FBXO22: variants seen among roughly 807,000 people sequenced by gnomAD.
FBXO22 encodes the protein F-box only protein 22.
In FBXO22, 13 loss-of-function variants were observed where a neutral mutation model predicts 37.2. The observed-to-expected ratio is 0.35, with a 90% CI of 0.23 to 0.56. FBXO22 has a LOEUF of 0.56. Among genes scored for constraint, FBXO22 ranks in the 20% least tolerant of loss-of-function variants. FBXO22 has a pLI of 0.87. For synonymous variants in FBXO22, 189 were observed against 189.1 expected (o/e 1.00, Z 0.00); for missense variants, 446 against 509.9 (o/e 0.87, Z 1.21).
rs943707377 is a variant in FBXO22 at position 75,940,080 on chromosome 15, A to G, written c.*6978A>G. 6.6e-6 allele frequency: 1 copy of G among 151,032 alleles called. No individual in the cohort carries two copies. Among genetic ancestry groups the G allele is most frequent in the African/African-American group, 2.4e-5 (1 of 41,104 alleles). 9.4% of individuals were successfully genotyped at this position (151,032 alleles called of 1,614,324 possible). On this transcript the variant is annotated 3_prime_UTR_variant, in exon 7 of 7. Transcript: ENST00000308275. Reference sequence around the variant, plus strand: ...AAAATCCTATATGTTCACAAATGATATGATCTTTAGACAACCCGAAAGATT... The same window carrying G: ...AAAATCCTATATGTTCACAAATGATGTGATCTTTAGACAACCCGAAAGATT...
rs770981757 is a variant in FBXO22 at position 75,930,027 on chromosome 15, C to T, written c.772C>T (p.Leu258=). ...IILAGGQVDN[L]SSLTSEKNPL... is the part of the protein sequence containing the mutation. ...CTTGGCTGGAGGCCAGGTGGACAACCTGTCATCACTGACTTCTGAAAAGTA... is the reference window on the plus strand; with the variant it reads ...CTTGGCTGGAGGCCAGGTGGACAACTTGTCATCACTGACTTCTGAAAAGTA... Residue 258 remains leucine, a synonymous_variant, in exon 6 of 7, where the codon CTG becomes TTG. Transcript: ENST00000308275. 24 of 1,613,982 alleles carry T rather than the reference C, an allele frequency of 1.5e-5. No homozygotes were observed. Among genetic ancestry groups the T allele is most frequent in the Admixed American group, 1.2e-4 (7 of 60,006 alleles).
chr15:75,932,224 T>C lies in FBXO22; in HGVS notation c.795-461T>C, dbSNP rs537578449. 5.9e-5 allele frequency among the ~76,000 whole-genome samples: 9 copies of C among 152,252 alleles called. No homozygotes were observed. The South Asian group carries it at 1.9e-3, about 32-fold the overall frequency. ...GAACCCTATCTCTAAAAAAATAAAA[T>C]CACCCTCCATTATTATATTTTTAAT... On this transcript the variant is annotated intron_variant, in intron 6 of 6. Transcript: ENST00000308275.
intron 5 of FBXO22, among the ~76,000 whole-genome samples, chr15:75,923,651 T>A (rs1900377317): frequency 6.6e-6 from 1 of 152,168 alleles, no homozygotes; most frequent in Admixed American, 6.5e-5. Context: ...CATTTTGGAG[T>A]ACAAGAGTGG....
rs150887253 is a variant in FBXO22 at position 75,932,823 on chromosome 15, G to A, written c.933G>A (p.Ala311=). The change falls in exon 7 of 7, where the codon GCG becomes GCA. Residue 311 remains alanine, a synonymous_variant. Transcript: ENST00000308275. ...AGGCTGCGATGCAGCGCCTCAAAGC[G>A]GCCAACATTCCAGAGCATAACACCA... ...TAEAAMQRLK[A]ANIPEHNTIG... 7.4e-6 allele frequency: 12 copies of A among 1,614,226 alleles called. No individual in the cohort carries two copies. The highest frequency in any genetic ancestry group is 5.5e-5 in the South Asian group (5 of 91,080).
intron 2 of FBXO22, among the ~76,000 whole-genome samples, chr15:75,910,730 G>A (rs1900034140): frequency 6.6e-6 from 1 of 152,190 alleles, no homozygotes; most frequent in Admixed American, 6.5e-5. Context: ...TCACTCTGAT[G>A]ATAGTTTCTT....
rs1434270135 is a variant in FBXO22 at position 75,917,377 on chromosome 15, A to G, written c.611A>G (p.His204Arg). 3.1e-6 allele frequency: 5 copies of G among 1,590,046 alleles called. No homozygotes were observed. Among genetic ancestry groups the G allele is most frequent in the Non-Finnish European group, 3.4e-6 (4 of 1,162,264 alleles). The part of the protein sequence containing the change: ...KDPKNLTLER[H>R]QLTEVGLLDN... ...CCAAAGAATTTAACATTAGAAAGACATCAACTCACTGAAGTAGGTAAGTTA... is the reference window on the plus strand; with the variant it reads ...CCAAAGAATTTAACATTAGAAAGACGTCAACTCACTGAAGTAGGTAAGTTA... Residue 204 changes from histidine to arginine, a missense_variant, in exon 5 of 7, where the codon CAT becomes CGT. By Grantham distance (29) the His-to-Arg change is conservative (BLOSUM62 0). This residue lies in a region of FBXO22 where 315 missense variants were observed against 410.1 expected (regional missense o/e 0.77). Transcript: ENST00000308275.
In FBXO22 at chr15:75,904,475, G is replaced by T. The variant is rs1899875138; in HGVS notation, c.141-16G>T. On this transcript the variant is annotated splice_polypyrimidine_tract_variant and intron_variant, in intron 1 of 6. Transcript: ENST00000308275. The stretch of plus-strand genomic sequence containing the variant: ...TGAACGTCCGTTCGCAATCCTTTGT[G>T]CGTTTGCGTCCTCAGCGTGTGCCGC... 1 of 1,613,672 alleles carries T rather than the reference G, an allele frequency of 6.2e-7. No individual in the cohort carries two copies. Among genetic ancestry groups the T allele is most frequent in the South Asian group, 1.1e-5 (1 of 91,002 alleles).
At chr15:75,916,901 C>A (rs1022025041) in intron 4 of FBXO22, among the ~76,000 whole-genome samples, 2 of 151,664 alleles carry the variant, frequency 1.3e-5, no homozygotes, top group Non-Finnish European at 2.9e-5. Flanking sequence ...GTATTTACTA[C>A]CCCCCCAACT....
At chr15:75,930,940 G>T in intron 6 of FBXO22, 3 of 848,722 alleles carry the variant, frequency 3.5e-6, no homozygotes, top group Non-Finnish European at 4.3e-6. Flanking sequence ...AGCTAGATCT[G>T]GGAAAATAGC....
At chr15:75,924,134 A>T (rs899354125) in intron 5 of FBXO22, among the ~76,000 whole-genome samples, 1 of 152,196 alleles carries the variant, frequency 6.6e-6, no homozygotes, top group African/African-American at 2.4e-5. Context: ...GGAGCTCTAG[A>T]GAATGGTCTA....
Position 75,939,596 on chromosome 15 carries a change from T to C in FBXO22, c.*6494T>C, listed in dbSNP as rs1256554595. The C allele has an allele frequency of 6.6e-6, 1 of 152,110 alleles. No homozygotes were observed. Among genetic ancestry groups the C allele is most frequent in the Non-Finnish European group, 1.5e-5 (1 of 67,984 alleles). The allele number at this position is 152,110 out of a possible 1,614,324, so 9.4% of individuals were successfully genotyped here. On this transcript the variant is annotated 3_prime_UTR_variant, in exon 7 of 7. Transcript: ENST00000308275. ...CAGACAAAGATACTACAAGAAAAGA[T>C]TACAGACCAGTTATTCCTTATGATC...
At chr15:75,904,136 C>T (rs779299583) in intron 1 of FBXO22, 33 bp downstream of exon 1, 1 of 1,517,940 alleles carries the variant, frequency 6.6e-7, no homozygotes, top group Non-Finnish European at 8.9e-7. Context: ...GGAAGCTTGC[C>T]TGGGGACACG....
At chr15:75,912,389 C>A (rs911105229) in intron 2 of FBXO22, among the ~76,000 whole-genome samples, 2 of 152,102 alleles carry the variant, frequency 1.3e-5, no homozygotes, top group African/African-American at 2.4e-5. Context: ...GCTGTGAATT[C>A]GTCTGGTCCT....
intron 4 of FBXO22, among the ~76,000 whole-genome samples, chr15:75,915,942 A>T (rs1322179236): frequency 4.0e-5 from 6 of 149,366 alleles, no homozygotes; most frequent in Non-Finnish European, 8.9e-5. Context: ...ATGGTGGCTC[A>T]TGCCTGTAAT....
At chr15:75,919,900 A>T (rs1900281709) in intron 5 of FBXO22, among the ~76,000 whole-genome samples, 1 of 152,330 alleles carries the variant, frequency 6.6e-6, no homozygotes, top group South Asian at 2.1e-4. Flanking sequence ...CAGCACTTCT[A>T]ATCTTCACCA....
rs748921842 is a variant in FBXO22 at position 75,913,220 on chromosome 15, A to G, written c.297A>G (p.Pro99=). The G allele has an allele frequency of 1.9e-6, 3 of 1,609,238 alleles. No homozygotes were observed. The highest frequency in any genetic ancestry group is 1.7e-5 in the Admixed American group (1 of 59,964). ...CTTTGCAGAATGTTCGCATCTTACCACATACAGTTCTTTACATGGCTGATT... is the reference window on the plus strand; with the variant it reads ...CTTTGCAGAATGTTCGCATCTTACCGCATACAGTTCTTTACATGGCTGATT... ...AEELENVRIL[P]HTVLYMADSE... Residue 99 remains proline, a synonymous_variant, in exon 3 of 7, where the codon CCA becomes CCG. Transcript: ENST00000308275.
chr15:75,907,441 C>G (rs1284083738), intron 2 of FBXO22, among the ~76,000 whole-genome samples: 1 of 152,038 alleles, frequency 6.6e-6, no homozygotes, highest in Non-Finnish European at 1.5e-5. Context: ...TAGTAATGCC[C>G]TTAGAGGAGT....
Position 75,933,749 on chromosome 15 carries a change from T to G in FBXO22, c.*647T>G. Reference sequence around the variant, plus strand: ...TATTTTTTTTTCACCTAGGTCTAAATAGCTAACTAACTGGTAGACCAGAGT... The same window carrying G: ...TATTTTTTTTTCACCTAGGTCTAAAGAGCTAACTAACTGGTAGACCAGAGT... On this transcript the variant is annotated 3_prime_UTR_variant, in exon 7 of 7. Coordinates refer to ENST00000308275, the MANE Select transcript of FBXO22 (RefSeq NM_147188.3). 3.1e-6 allele frequency: 1 copy of G among 319,550 alleles called. No homozygotes were observed. Among genetic ancestry groups the G allele is most frequent in the South Asian group, 2.6e-5 (1 of 38,886 alleles). 19.8% of individuals were successfully genotyped at this position (319,550 alleles called of 1,614,324 possible). A position where few individuals can be genotyped will look rare whatever the true frequency, so the allele number is the denominator to read the frequency against.
In FBXO22 at chr15:75,933,212, T is replaced by C. The variant is rs1407362291; in HGVS notation, c.*110T>C. On this transcript the variant is annotated 3_prime_UTR_variant, in exon 7 of 7. Coordinates refer to ENST00000308275, the MANE Select transcript of FBXO22 (RefSeq NM_147188.3). ...AAAAATAACTTTAGATATATCTTTTTTGTAGCTTTGATTGATGCTCTAAGA... is the reference window on the plus strand; with the variant it reads ...AAAAATAACTTTAGATATATCTTTTCTGTAGCTTTGATTGATGCTCTAAGA... 1.1e-6 allele frequency: 1 copy of C among 883,778 alleles called. No individual in the cohort carries two copies. Among genetic ancestry groups the C allele is most frequent in the Admixed American group, 2.6e-5 (1 of 37,846 alleles). The allele number at this position is 883,778 out of a possible 1,614,324, so 54.7% of individuals were successfully genotyped here.
Sources: allele counts gnomAD v4.1 joint callset (sites outside exome capture counted in the v4.1 genomes callset), GRCh38; gene constraint gnomAD v4.1.1; regional missense constraint gnomAD v4.1.1; transcripts MANE v1.5; gene names NCBI Gene and HGNC (gene_info 2026-07-23, HGNC 2026-07-21).